Variants in ABLIM1 observed in about 807,000 individuals in gnomAD.
The protein encoded by ABLIM1 is actin-binding LIM protein 1.
ABLIM1 carries 40 observed loss-of-function variants against 107.0 expected under a neutral mutation model. That is an observed-to-expected ratio of 0.37 (90% confidence interval 0.29 to 0.49). The LOEUF is 0.49. Ranked by LOEUF, ABLIM1 falls within the 20% of genes least tolerant of loss-of-function variation. The probability of loss-of-function intolerance (pLI) is 0.97; values close to 1 mark genes in which losing one functional copy is unlikely to be tolerated. For missense variants in ABLIM1, 857 were observed against 1,008.5 expected (o/e 0.85, Z 2.04); for synonymous variants, 357 against 357.3 (o/e 1.00, Z 0.01).
chr10:114,658,032 T>G lies in ABLIM1; in HGVS notation c.169A>C (p.Ile57Leu). ...GGACAGAGATACAGCAAATGAGTGATAGTGGCACGCCTATGAGCGGTGAAG... is the reference window on the plus strand; with the variant it reads ...GGACAGAGATACAGCAAATGAGTGAGAGTGGCACGCCTATGAGCGGTGAAG... Reference protein sequence around the residue: ...TSFTAHRRATITHLLYLCPKD... With the variant: ...TSFTAHRRATLTHLLYLCPKD... Residue 57 changes from isoleucine to leucine, a missense_variant, in exon 1 of 23, where the codon ATC (isoleucine) becomes CTC (leucine). Around this residue, in one of 5 missense-constraint regions of ABLIM1, gnomAD observed 176 missense variants for 173.5 expected, o/e 1.01. Coordinates refer to ENST00000533213, the MANE Select transcript of ABLIM1 (RefSeq NM_002313.7). 1 of 1,614,186 alleles carries G rather than the reference T, an allele frequency of 6.2e-7. No individual in the cohort carries two copies. The highest frequency in any genetic ancestry group is 1.3e-5 in the African/African-American group (1 of 75,060).
chr10:114,467,415 A>C (rs2065412244), intron 11 of ABLIM1, among the ~76,000 whole-genome samples: 1 of 152,210 alleles, frequency 6.6e-6, no homozygotes, highest in Non-Finnish European at 1.5e-5. Context: ...ATAACGACTA[A>C]ATGAACACCT....
chr10:114,608,441 G>A (rs943701601), intron 1 of ABLIM1, among the ~76,000 whole-genome samples: 13 of 152,132 alleles, frequency 8.5e-5, no homozygotes, highest in Non-Finnish European at 1.0e-4. Flanking sequence ...AGGCCGAGGC[G>A]GGCGGATCAC....
chr10:114,784,255 AGAATTGCTTGAACCTG>A, the ABLIM1 span, among the ~76,000 whole-genome samples: 2 of 151,796 alleles, frequency 1.3e-5, no homozygotes, highest in Non-Finnish European at 2.9e-5. Flanking sequence ...CTGAGGCAGA[AGAATTGCTTGAACCTG>A]GGAGGCGGAA....
intron 1 of ABLIM1, among the ~76,000 whole-genome samples, chr10:114,713,028 G>A (rs538209662): frequency 2.6e-5 from 4 of 152,260 alleles, no homozygotes; most frequent in African/African-American, 9.6e-5. Flanking sequence ...CAGCCTGACA[G>A]ACAGAGCAAG....
chr10:114,727,143 C>A (rs990016406), intron 1 of ABLIM1, among the ~76,000 whole-genome samples: 5 of 152,174 alleles, frequency 3.3e-5, no homozygotes, highest in African/African-American at 1.2e-4. Flanking sequence ...TCCCTGCCAC[C>A]TTTTCTGAAG....
intron 6 of ABLIM1, among the ~76,000 whole-genome samples, chr10:114,512,853 AAAGAAGGAAGGAAG>A (rs1565724650): frequency 0.024 from 2,910 of 121,610 alleles, 40 homozygotes; most frequent in African/African-American, 0.032. Context: ...GGAAGGAAGG[AAAGAAGGAAGGAAG>A]GAAGGAAGGA....
chr10:114,784,259 T>C, the ABLIM1 span, among the ~76,000 whole-genome samples: 3 of 151,294 alleles, frequency 2.0e-5, no homozygotes, highest in Non-Finnish European at 4.4e-5. Flanking sequence ...GGCAGAAGAA[T>C]TGCTTGAACC....
rs1382381279 is a variant in ABLIM1, at chr10:114,575,445, A to G, written c.534T>C (p.His178=). The G allele has an allele frequency of 1.2e-6, 2 of 1,614,128 alleles. No homozygotes were observed. The highest frequency in any genetic ancestry group is 2.2e-5 in the East Asian group (1 of 44,882). ...AGATAGTACAAGCAAAGCAATTGGG[A>G]TGGTAGGTCTTGCCCAGAGCAGTCA... The part of the protein sequence containing the change: ...EVVTALGKTY[H]PNCFACTICK... The change falls in exon 3 of 23, where the codon CAT becomes CAC. Residue 178 remains histidine, a synonymous_variant. Transcript: ENST00000533213.
chr10:114,767,996 C>G (rs921147796), intron 1 of ABLIM1: 1 of 416,588 alleles, frequency 2.4e-6, no homozygotes, highest in Non-Finnish European at 4.8e-6. Context: ...CGCAGCCCCC[C>G]CGCCCTCCCG....
chr10:114,438,003 C>T lies in ABLIM1; in HGVS notation c.2143-79G>A, dbSNP rs1188947836. ...AGCAGAATCCACCTAAACGCTAGTA[C>T]TCCCAAGATAGAGCTTCCAAGAGAC... is the stretch of plus-strand genomic sequence containing the variant. On this transcript the variant is annotated intron_variant, in intron 21 of 22. Coordinates refer to ENST00000533213, the MANE Select transcript of ABLIM1 (RefSeq NM_002313.7). 3.7e-6 allele frequency: 5 copies of T among 1,338,376 alleles called. No individual in the cohort carries two copies. In the African/African-American group the frequency reaches 5.8e-5, roughly 16 times the overall value. 82.9% of individuals were successfully genotyped at this position (1,338,376 alleles called of 1,614,324 possible). A position where few individuals can be genotyped will look rare whatever the true frequency, so the allele number is the denominator to read the frequency against.
At chr10:114,689,671 C>A (rs149090406), upstream of ABLIM1, among the ~76,000 whole-genome samples, 107 of 151,970 alleles carry the variant, frequency 7.0e-4, no homozygotes, top group African/African-American at 2.4e-3. Flanking sequence ...CGCACTTTTT[C>A]TGTTAATTCT....
intron 2 of ABLIM1, among the ~76,000 whole-genome samples, chr10:114,598,274 CAAAAAAAAAA>C (rs58133284): frequency 1.6e-5 from 1 of 63,812 alleles, no homozygotes; most frequent in Non-Finnish European, 2.7e-5. Flanking sequence ...AACTCCATCT[CAAAAAAAAAA>C]AAAAAAAAAA....
In ABLIM1 at chr10:114,487,953, C is replaced by A; in HGVS notation, c.1041+5G>T. The A allele has an allele frequency of 6.2e-7, 1 of 1,614,092 alleles. No individual in the cohort carries two copies. The highest frequency in any genetic ancestry group is 8.5e-7 in the Non-Finnish European group (1 of 1,179,994). On this transcript the variant is annotated splice_donor_5th_base_variant and intron_variant, in intron 8 of 22. Coordinates refer to ENST00000533213, the MANE Select transcript of ABLIM1 (RefSeq NM_002313.7). The stretch of plus-strand genomic sequence containing the variant: ...GCTGGCATCATGTTTTAATTGTGTC[C>A]TTACCCGCAGCTTTTCCTCGGTCTT...
At chr10:114,525,023 C>G (rs985655224) in intron 6 of ABLIM1, among the ~76,000 whole-genome samples, 1 of 152,266 alleles carries the variant, frequency 6.6e-6, no homozygotes, top group African/African-American at 2.4e-5. Context: ...AGGTTTCCCT[C>G]TAGCAGTGAT....
intron 5 of ABLIM1, among the ~76,000 whole-genome samples, chr10:114,546,447 C>A (rs1444442175): frequency 6.6e-6 from 1 of 152,102 alleles, no homozygotes; most frequent in East Asian, 1.9e-4. Context: ...GTGCCCACCA[C>A]CATGCCCGGC....
At chr10:114,566,378 G>A (rs1349997863) in intron 4 of ABLIM1, among the ~76,000 whole-genome samples, 5 of 151,514 alleles carry the variant, frequency 3.3e-5, no homozygotes, top group Admixed American at 6.6e-5. Context: ...ACCCAAACCC[G>A]ATTCCCTACA....
chr10:114,469,802 T>C (rs966537362), intron 10 of ABLIM1, among the ~76,000 whole-genome samples: 4 of 152,198 alleles, frequency 2.6e-5, no homozygotes, highest in Admixed American at 6.5e-5. Context: ...ATGAATAAAA[T>C]GTTTACAATT....
At chr10:114,709,546 C>T (rs1003194907) in intron 1 of ABLIM1, among the ~76,000 whole-genome samples, 2 of 152,152 alleles carry the variant, frequency 1.3e-5, no homozygotes, top group African/African-American at 4.8e-5. Flanking sequence ...AAAACTGTAG[C>T]AGTGAGTACA....
At chr10:114,482,010 A>C (rs926273739) in intron 8 of ABLIM1, among the ~76,000 whole-genome samples, 2 of 152,236 alleles carry the variant, frequency 1.3e-5, no homozygotes, top group African/African-American at 2.4e-5. Flanking sequence ...GAAAAAAGTC[A>C]CACCCATTTT....
Sources: allele counts gnomAD v4.1 joint callset (sites outside exome capture counted in the v4.1 genomes callset), GRCh38; gene constraint gnomAD v4.1.1; regional missense constraint gnomAD v4.1.1; transcripts MANE v1.5; gene names NCBI Gene and HGNC (gene_info 2026-07-23, HGNC 2026-07-21).